The following FAM83G variants were observed in gnomAD, a reference collection of about 807,000 sequenced individuals.
FAM83G encodes the protein scaffolding CK1 anchoring protein G.
A neutral mutation model predicts 61.5 loss-of-function variants in FAM83G; 38 were observed. The ratio of observed to expected loss-of-function variants is 0.62; its 90% CI spans 0.48 to 0.81. FAM83G has a LOEUF of 0.81. FAM83G is among the 30% of genes least tolerant of loss of function. The pLI, the probability that FAM83G is intolerant of heterozygous loss-of-function variation, is 0.00. For synonymous variants in FAM83G, 470 were observed against 476.1 expected (o/e 0.99, Z 0.17); for missense variants, 989 against 1,133.6 (o/e 0.87, Z 1.83).
chr17:18,974,461 G>A (rs1009497854), intron 5 of FAM83G, among the ~76,000 whole-genome samples: 1 of 152,264 alleles, frequency 6.6e-6, no homozygotes, highest in Non-Finnish European at 1.5e-5. Context: ...CTGGGCCTTG[G>A]TGTCCCTGTC....
chr17:18,977,823 C>T lies in FAM83G; in HGVS notation c.1843G>A (p.Val615Met). The change falls in exon 5 of 6, where the codon GTG becomes ATG. Residue 615 changes from valine (V) to methionine (M), a missense_variant. Physicochemically the swap from Val to Met is conservative, Grantham distance 21. Transcript: ENST00000388995. The stretch of plus-strand genomic sequence containing the variant: ...CTCACCTCGAAGTACTCCTCTGACA[C>T]AGAGGAAGCCACTGAGGGCCGTCGG... ...GPRRPSVASS[V>M]SEEYFEVREH... The T allele has an allele frequency of 6.2e-7, 1 of 1,608,762 alleles. No homozygotes were observed. Among genetic ancestry groups the T allele is most frequent in the African/African-American group, 1.3e-5 (1 of 74,990 alleles).
At chr17:18,987,358 A>C (rs2043295780) in intron 3 of FAM83G, among the ~76,000 whole-genome samples, 1 of 152,202 alleles carries the variant, frequency 6.6e-6, no homozygotes, top group Non-Finnish European at 1.5e-5. Flanking sequence ...TAAATTAACC[A>C]ATGCAAAGTG....
chr17:18,970,195 G>A lies in FAM83G; in HGVS notation c.*1164C>T, dbSNP rs2042806560. ...CCAGGCAGCAGGCTGCCTCTTCCATGTCCCACTTGGAAAAGGCTAGGGAGT... is the reference window on the plus strand; with the variant it reads ...CCAGGCAGCAGGCTGCCTCTTCCATATCCCACTTGGAAAAGGCTAGGGAGT... On this transcript the variant is annotated 3_prime_UTR_variant, in exon 6 of 6. Coordinates refer to ENST00000388995, the MANE Select transcript of FAM83G (RefSeq NM_001039999.3). 6.6e-6 allele frequency: 1 copy of A among 152,288 alleles called. No individual in the cohort carries two copies. Among genetic ancestry groups the A allele is most frequent in the African/African-American group, 2.4e-5 (1 of 41,468 alleles). The allele number at this position is 152,288 out of a possible 1,614,324, so 9.4% of individuals were successfully genotyped here.
chr17:19,002,729 C>T (rs115250081), intron 2 of FAM83G, among the ~76,000 whole-genome samples: 7,873 of 152,282 alleles, frequency 0.052, 270 homozygotes, highest in African/African-American at 0.089. Context: ...GCTGTCTCTG[C>T]AAATGGCAAG....
At chr17:18,973,872 ATTTTTTTTTAAG>A (rs2042914048) in intron 5 of FAM83G, among the ~76,000 whole-genome samples, 1 of 73,224 alleles carries the variant, frequency 1.4e-5, no homozygotes, top group Non-Finnish European at 2.9e-5. Flanking sequence ...TAATTTTTGT[ATTTTTTTTTAAG>A]TTTTTTTTTT....
chr17:18,999,780 C>A (rs2043680501), intron 2 of FAM83G, among the ~76,000 whole-genome samples: 1 of 152,238 alleles, frequency 6.6e-6, no homozygotes. Context: ...TTCCCAAGCC[C>A]TGGCCTGGCA....
chr17:18,986,850 C>T (rs1413460410), intron 3 of FAM83G, among the ~76,000 whole-genome samples: 4 of 152,258 alleles, frequency 2.6e-5, no homozygotes, highest in African/African-American at 9.6e-5. Context: ...AGGCCTTCTG[C>T]AGTCAGGTTT....
intron 3 of FAM83G, among the ~76,000 whole-genome samples, chr17:18,985,272 C>T (rs2043241997): frequency 6.6e-6 from 1 of 152,198 alleles, no homozygotes; most frequent in Non-Finnish European, 1.5e-5. Context: ...GACCATGTCC[C>T]CATTTTGTAG....
intron 5 of FAM83G, among the ~76,000 whole-genome samples, chr17:18,972,523 G>A (rs1000459233): frequency 2.0e-5 from 3 of 152,162 alleles, no homozygotes; most frequent in African/African-American, 4.8e-5. Flanking sequence ...AAGCAGCACG[G>A]GCTCCATCAG....
intron 3 of FAM83G, among the ~76,000 whole-genome samples, chr17:18,984,521 G>T (rs1034021415): frequency 6.6e-6 from 1 of 152,200 alleles, no homozygotes; most frequent in Non-Finnish European, 1.5e-5. Flanking sequence ...CTTCCTCACC[G>T]TGTGCCTTCC....
chr17:19,002,728 G>T (rs116139938), intron 2 of FAM83G, among the ~76,000 whole-genome samples: 7,875 of 152,288 alleles, frequency 0.052, 271 homozygotes, highest in African/African-American at 0.089. Context: ...AGCTGTCTCT[G>T]CAAATGGCAA....
Position 19,003,962 on chromosome 17 carries a change from T to C in FAM83G, c.80A>G (p.Tyr27Cys). ...CAGCGCCAGCCGCTGCTCCTCGCTG[T>C]AGAAGAACTCAGGCTTGGACTCGCT... ...RSSESKPEFF[Y>C]SEEQRLALEA... The change falls in exon 2 of 6, where the codon TAC (tyrosine) becomes TGC (cysteine). Residue 27 changes from tyrosine (Y) to cysteine (C), a missense_variant. Around this residue, in one of 3 missense-constraint regions of FAM83G, gnomAD observed 371 missense variants for 404.5 expected, o/e 0.92. Transcript: ENST00000388995. The surrounding 1 kb of genome is among the most constrained non-coding windows in gnomAD (Gnocchi z 4.5). 1.2e-6 allele frequency: 2 copies of C among 1,612,878 alleles called. No individual in the cohort carries two copies. Among genetic ancestry groups the C allele is most frequent in the Non-Finnish European group, 1.7e-6 (2 of 1,179,920 alleles).
At chr17:18,976,758 G>A (rs187379476) in intron 5 of FAM83G, 65 of 1,491,894 alleles carry the variant, frequency 4.4e-5, no homozygotes, top group Non-Finnish European at 5.7e-5. Flanking sequence ...GGACATCATC[G>A]TGCCTCATGC....
rs138086619 is a variant in FAM83G at position 18,989,384 on chromosome 17, C to T, written c.523-970G>A. 4.3e-3 allele frequency among the ~76,000 whole-genome samples: 648 copies of T among 152,328 alleles called. 6 individuals carry two copies. The highest frequency in any genetic ancestry group is 0.014 in the African/African-American group (594 of 41,576). ...GGAGCCTGCTGGGGATGTGTCTGCACGCCCCAAAGTGAGCTCACCAGGCTG... is the reference window on the plus strand; with the variant it reads ...GGAGCCTGCTGGGGATGTGTCTGCATGCCCCAAAGTGAGCTCACCAGGCTG... On this transcript the variant is annotated intron_variant, in intron 2 of 5. Coordinates refer to ENST00000388995, the MANE Select transcript of FAM83G (RefSeq NM_001039999.3).
In FAM83G at chr17:18,998,554, G is replaced by A. The variant is rs911803698; in HGVS notation, c.522+4966C>T. Among the ~76,000 whole-genome samples the A allele has an allele frequency of 1.1e-4, 17 of 152,370 alleles. 2 individuals carry two copies. Among genetic ancestry groups the A allele is most frequent in the Admixed American group, 7.8e-4 (12 of 15,312 alleles). On this transcript the variant is annotated intron_variant, in intron 2 of 5. Coordinates refer to ENST00000388995, the MANE Select transcript of FAM83G (RefSeq NM_001039999.3). The stretch of plus-strand genomic sequence containing the variant: ...ACGGCAGGCCCTGGCTCTTGGGGTT[G>A]TGGGAAGGAGGCCAGCCCAGTGGCT...
In FAM83G at chr17:19,003,829, G is replaced by T. The variant is rs1471686197; in HGVS notation, c.213C>A (p.Ile71=). 2.5e-6 allele frequency: 4 copies of T among 1,612,854 alleles called. No individual in the cohort carries two copies. Among genetic ancestry groups the T allele is most frequent in the Non-Finnish European group, 3.4e-6 (4 of 1,179,924 alleles). The change falls in exon 2 of 6, where the codon ATC becomes ATA. Residue 71 remains isoleucine (I), a synonymous_variant. Coordinates refer to ENST00000388995, the MANE Select transcript of FAM83G (RefSeq NM_001039999.3). The surrounding 1 kb of genome is among the most constrained non-coding windows in gnomAD (Gnocchi z 4.5). Reference sequence around the variant, plus strand: ...CCTCAGAGCCCGGGTCGTACACCTCGATGGTCTCCAGGATGCGCTTGAGCT... The same window carrying T: ...CCTCAGAGCCCGGGTCGTACACCTCTATGGTCTCCAGGATGCGCTTGAGCT... ...ELELKRILET[I]EVYDPGSEDP...
chr17:18,978,526 C>A lies in FAM83G; in HGVS notation c.1140G>T (p.Ala380=), dbSNP rs768651101. 2 of 1,613,358 alleles carry A rather than the reference C, an allele frequency of 1.2e-6. No individual in the cohort carries two copies. Among genetic ancestry groups the A allele is most frequent in the Admixed American group, 3.3e-5 (2 of 60,016 alleles). The change falls in exon 5 of 6, where the codon GCG becomes GCT. Residue 380 remains alanine, a synonymous_variant. Coordinates refer to ENST00000388995, the MANE Select transcript of FAM83G (RefSeq NM_001039999.3). The part of the protein sequence containing the change: ...AKKPLGLKGP[A]LAEHPGELPE... ...GGAGTTCCCCTGGATGCTCAGCCAG[C>A]GCTGGGCCTTTCAGCCCCAGGGGCT... is the stretch of plus-strand genomic sequence containing the variant.
At chr17:18,982,797 G>A (rs2043172630) in intron 3 of FAM83G, among the ~76,000 whole-genome samples, 1 of 152,184 alleles carries the variant, frequency 6.6e-6, no homozygotes, top group African/African-American at 2.4e-5. Context: ...GTGGGTCTAG[G>A]GTCTAGGCAT....
rs375654515 is a variant in FAM83G at position 18,978,428 on chromosome 17, G to T, written c.1238C>A (p.Thr413Lys). The T allele has an allele frequency of 6.3e-7, 1 of 1,596,976 alleles. No individual in the cohort carries two copies. The highest frequency in any genetic ancestry group is 8.5e-7 in the Non-Finnish European group (1 of 1,171,788). ...AGGCTCCGGGTCTGGCTCCACCCAC[G>T]TGGGCAGGTACTCAAACATGTTGGC... ...ERANMFEYLP[T>K]WVEPDPEPGS... The change falls in exon 5 of 6, where the codon ACG becomes AAG. Residue 413 changes from threonine (T) to lysine (K), a missense_variant. Physicochemically the swap from Thr to Lys is moderately conservative, Grantham distance 78. Transcript: ENST00000388995.
Sources: allele counts gnomAD v4.1 joint callset (sites outside exome capture counted in the v4.1 genomes callset), GRCh38; gene constraint gnomAD v4.1.1; regional missense constraint gnomAD v4.1.1; non-coding constraint Gnocchi (gnomAD v3.1); transcripts MANE v1.5; gene names NCBI Gene and HGNC (gene_info 2026-07-23, HGNC 2026-07-21).